Variants in OR4S2 observed in about 807,000 individuals in gnomAD.
The protein encoded by OR4S2 is olfactory receptor family 4 subfamily S member 2, also known as olfactory receptor 4S2.
OR4S2 carries 16 observed loss-of-function variants against 15.1 expected under a neutral mutation model. That is an observed-to-expected ratio of 1.06 (90% CI 0.72 to 1.61). OR4S2 has a LOEUF of 1.61. OR4S2 is among the 40% of genes most tolerant of loss of function. The pLI is 0.00. For synonymous variants in OR4S2, 133 were observed against 136.3 expected (o/e 0.98, Z 0.17); for missense variants, 362 against 379.6 (o/e 0.95, Z 0.38).
Position 55,652,556 on chromosome 11 carries a change from T to C in OR4S2, c.*717T>C, listed in dbSNP as rs1858582842. On this transcript the variant is annotated 3_prime_UTR_variant, in exon 2 of 2. Coordinates refer to ENST00000641692, the MANE Select transcript of OR4S2 (RefSeq NM_001004059.3). ...AAACCTCCAATCTTTTGTGAAGTAATATAGAGGAATTCTTACCTGTCTGTG... is the reference window on the plus strand; with the variant it reads ...AAACCTCCAATCTTTTGTGAAGTAACATAGAGGAATTCTTACCTGTCTGTG... The C allele has an allele frequency of 7.2e-6, 1 of 139,230 alleles. No homozygotes were observed. Among genetic ancestry groups the C allele is most frequent in the Non-Finnish European group, 1.6e-5 (1 of 62,494 alleles). 8.6% of individuals were successfully genotyped at this position (139,230 alleles called of 1,614,324 possible).
intron 1 of OR4S2, among the ~76,000 whole-genome samples, chr11:55,648,879 T>G (rs1451068282): frequency 1.5e-5 from 2 of 137,868 alleles, no homozygotes; most frequent in East Asian, 2.4e-4. Context: ...ACTGCATCAG[T>G]TGGAGTCAAG....
rs1392422998 is a variant in OR4S2 at position 55,652,751 on chromosome 11, C to CG, written c.*912_*913insG. 1 of 139,152 alleles carries CG rather than the reference C, an allele frequency of 7.2e-6. No homozygotes were observed. Among genetic ancestry groups the CG allele is most frequent in the East Asian group, 2.4e-4 (1 of 4,218 alleles). The allele number at this position is 139,152 out of a possible 1,614,324, so 8.6% of individuals were successfully genotyped here. A position where few individuals can be genotyped will look rare whatever the true frequency, so the allele number is the denominator to read the frequency against. ...GCTCAGATGGCTATAACTTCCCCCA[C>CG]AATGCTAAGTTAACTACTTAGTAAC... On this transcript the variant is annotated 3_prime_UTR_variant, in exon 2 of 2. Transcript: ENST00000641692.
intron 1 of OR4S2, 59 bp from the exon 2 acceptor site, chr11:55,650,809 G>C: frequency 1.6e-6 from 1 of 621,428 alleles, no homozygotes; most frequent in Admixed American, 3.6e-5. Flanking sequence ...GTGATTTTCC[G>C]TTGGTTCTGC....
intron 1 of OR4S2, among the ~76,000 whole-genome samples, chr11:55,650,360 T>C (rs1858547735): frequency 7.2e-6 from 1 of 138,844 alleles, no homozygotes; most frequent in Non-Finnish European, 1.6e-5. Flanking sequence ...GTGGTTAAAC[T>C]TGCAGAGAAA....
rs1437026730 is a variant in OR4S2 at position 55,651,038 on chromosome 11, G to A, written c.135G>A (p.Leu45=). ...IILLGNLLIM[L]TVCLSNLFKS... is the part of the protein sequence containing the mutation. ...TTCTGGGAAATCTCCTCATCATGCT[G>A]ACAGTTTGCCTGAGCAACCTGTTTA... is the stretch of plus-strand genomic sequence containing the variant. Residue 45 remains leucine (L), a synonymous_variant, in exon 2 of 2, where the codon CTG becomes CTA. Transcript: ENST00000641692. The A allele has an allele frequency of 1.4e-6, 2 of 1,471,476 alleles. No homozygotes were observed. The allele number at this position is 1,471,476 out of a possible 1,614,324, so 91.2% of individuals were successfully genotyped here.
chr11:55,649,562 C>T (rs1489208466), intron 1 of OR4S2, among the ~76,000 whole-genome samples: 1 of 138,248 alleles, frequency 7.2e-6, no homozygotes, highest in Admixed American at 7.9e-5. Context: ...GCGAAAGAAT[C>T]CTAAAAGCTC....
intron 1 of OR4S2, among the ~76,000 whole-genome samples, chr11:55,650,277 A>G (rs1455028630): frequency 7.2e-6 from 1 of 138,616 alleles, no homozygotes; most frequent in African/African-American, 2.5e-5. Context: ...AGGGCTCGAG[A>G]CCACACTGGT....
At position 55,651,190 on chromosome 11, in the gene OR4S2, T is replaced by A. The variant is rs1271180513; in HGVS notation, c.287T>A (p.Met96Lys). Residue 96 changes from methionine (M) to lysine (K), a missense_variant, in exon 2 of 2, where the codon ATG becomes AAG. By Grantham distance (95) the Met-to-Lys change is moderately conservative (BLOSUM62 -1). Coordinates refer to ENST00000641692, the MANE Select transcript of OR4S2 (RefSeq NM_001004059.3). The stretch of plus-strand genomic sequence containing the variant: ...AAAACCATCTCCTATGTGGGGTGCA[T>A]GTTGCAACTGTTTGGAGTACATTTC... ...KDKTISYVGC[M>K]LQLFGVHFFG... 2.0e-6 allele frequency: 3 copies of A among 1,485,858 alleles called. 1 individual carries two copies. The South Asian group carries it at 3.5e-5, about 18-fold the overall frequency. 92.0% of individuals were successfully genotyped at this position (1,485,858 alleles called of 1,614,324 possible).
Position 55,651,644 on chromosome 11 carries a change from CT to C in OR4S2, c.746del (p.Phe249SerfsTer32). The stretch of plus-strand genomic sequence containing the variant: ...GCTCCCACATTGCCATGGTCGTTAT[CT>C]TTTTCGGCCCCTGTACTTTTATGTA... ...CGSHIAMVVI[F>X]FGPCTFMYMR... is the part of the protein sequence containing the mutation. On this transcript the variant is annotated frameshift_variant, in exon 2 of 2. Transcript: ENST00000641692. LOFTEE classifies it high-confidence loss of function. 6.7e-7 allele frequency: 1 copy of C among 1,492,272 alleles called. No homozygotes were observed. The highest frequency in any genetic ancestry group is 9.1e-7 in the Non-Finnish European group (1 of 1,097,134). 92.4% of individuals were successfully genotyped at this position (1,492,272 alleles called of 1,614,324 possible).
intron 1 of OR4S2, among the ~76,000 whole-genome samples, chr11:55,649,224 A>T: frequency 7.2e-6 from 1 of 138,322 alleles, no homozygotes; most frequent in South Asian, 2.4e-4. Flanking sequence ...ACTGAAGAGG[A>T]ATGAGCATGT....
chr11:55,650,175 T>G (rs1277760446), intron 1 of OR4S2, among the ~76,000 whole-genome samples: 1 of 139,200 alleles, frequency 7.2e-6, no homozygotes, highest in Non-Finnish European at 1.6e-5. Flanking sequence ...AGTTAAATAA[T>G]TTACCTTGGG....
At position 55,651,754 on chromosome 11, in the gene OR4S2, T is replaced by C. The variant is rs765346880; in HGVS notation, c.851T>C (p.Ile284Thr). Reference protein sequence around the residue: ...TIITPMLNPLIYTLRNAEVKN... With the variant: ...TIITPMLNPLTYTLRNAEVKN... ...ATCACTCCCATGTTAAATCCTCTGA[T>C]TTATACACTGAGAAATGCAGAAGTA... Residue 284 changes from isoleucine to threonine, a missense_variant, in exon 2 of 2, where the codon ATT (isoleucine) becomes ACT (threonine). Coordinates refer to ENST00000641692, the MANE Select transcript of OR4S2 (RefSeq NM_001004059.3). The C allele has an allele frequency of 1.8e-4, 263 of 1,460,302 alleles. 64 individuals carry two copies. The highest frequency in any genetic ancestry group is 9.4e-7 in the Non-Finnish European group (1 of 1,067,796). The allele number at this position is 1,460,302 out of a possible 1,614,324, so 90.5% of individuals were successfully genotyped here. A position where few individuals can be genotyped will look rare whatever the true frequency, so the allele number is the denominator to read the frequency against.
rs1174583699 is a variant in OR4S2, at chr11:55,648,410, G to A, written c.-177G>A. 1.5e-5 allele frequency: 2 copies of A among 137,458 alleles called. No individual in the cohort carries two copies. The highest frequency in any genetic ancestry group is 4.8e-4 in the South Asian group (2 of 4,172). The allele number at this position is 137,458 out of a possible 1,614,324, so 8.5% of individuals were successfully genotyped here. A position where few individuals can be genotyped will look rare whatever the true frequency, so the allele number is the denominator to read the frequency against. ...TCATTTCTACCAGCCTTTCAGTTTG[G>A]GGGGTCAGGTATTTTCCGGTACTAA... On this transcript the variant is annotated 5_prime_UTR_variant, in exon 1 of 2. Coordinates refer to ENST00000641692, the MANE Select transcript of OR4S2 (RefSeq NM_001004059.3).
At chr11:55,649,538 C>T (rs1858538126) in intron 1 of OR4S2, among the ~76,000 whole-genome samples, 1 of 138,392 alleles carries the variant, frequency 7.2e-6, no homozygotes, top group Non-Finnish European at 1.6e-5. Flanking sequence ...ATCATTTACA[C>T]CTGCGGTTGA....
intron 1 of OR4S2, among the ~76,000 whole-genome samples, chr11:55,650,550 C>T (rs540987712): frequency 5.8e-5 from 8 of 137,442 alleles, no homozygotes; most frequent in African/African-American, 1.5e-4. Context: ...AACTCAGTGT[C>T]GTATAAAAAA....
At chr11:55,650,437 G>T (rs368505151) in intron 1 of OR4S2, among the ~76,000 whole-genome samples, 5 of 138,852 alleles carry the variant, frequency 3.6e-5, no homozygotes, top group Admixed American at 7.8e-5. Flanking sequence ...AAATGTGGGC[G>T]TATGTTTTCA....
Position 55,651,726 on chromosome 11 carries a change from A to G in OR4S2, c.823A>G (p.Ile275Val). ...EDKMVAVFYT[I>V]ITPMLNPLIY... ...TAAGATGGTGGCTGTATTTTACACC[A>G]TTATCACTCCCATGTTAAATCCTCT... Residue 275 changes from isoleucine (I) to valine (V), a missense_variant, in exon 2 of 2, where the codon ATT (isoleucine) becomes GTT (valine). Physicochemically the swap from Ile to Val is conservative, Grantham distance 29. Transcript: ENST00000641692. The G allele has an allele frequency of 1.4e-6, 2 of 1,458,894 alleles. 1 individual carries two copies. The allele number at this position is 1,458,894 out of a possible 1,614,324, so 90.4% of individuals were successfully genotyped here.
Position 55,648,385 on chromosome 11 carries a change from T to G in OR4S2, c.-202T>G, listed in dbSNP as rs1250781763. On this transcript the variant is annotated 5_prime_UTR_variant, in exon 1 of 2. Transcript: ENST00000641692. Reference sequence around the variant, plus strand: ...TGAGAAAACCAGGAACAACAAAGACTCATTTCTACCAGCCTTTCAGTTTGG... The same window carrying G: ...TGAGAAAACCAGGAACAACAAAGACGCATTTCTACCAGCCTTTCAGTTTGG... 7.3e-6 allele frequency: 1 copy of G among 137,466 alleles called. No homozygotes were observed. The highest frequency in any genetic ancestry group is 8.0e-5 in the Admixed American group (1 of 12,542). The allele number at this position is 137,466 out of a possible 1,614,324, so 8.5% of individuals were successfully genotyped here.
chr11:55,651,784 AT>A lies in OR4S2; in HGVS notation c.882del (p.Asn294LysfsTer3). Reference sequence around the variant, plus strand: ...ACACTGAGAAATGCAGAAGTAAAGAATGCAATGAAGAAACTGTGGGGCAGAA... The same window carrying A: ...ACACTGAGAAATGCAGAAGTAAAGAAGCAATGAAGAAACTGTGGGGCAGAA... ...IYTLRNAEVKNAMKKLWGRNV... is the reference protein window; with the variant it reads ...IYTLRNAEVKXAMKKLWGRNV... On this transcript the variant is annotated frameshift_variant, in exon 2 of 2. Coordinates refer to ENST00000641692, the MANE Select transcript of OR4S2 (RefSeq NM_001004059.3). LOFTEE classifies it high-confidence loss of function. 6.8e-7 allele frequency: 1 copy of A among 1,463,430 alleles called. No individual in the cohort carries two copies. Among genetic ancestry groups the A allele is most frequent in the Non-Finnish European group, 9.3e-7 (1 of 1,072,212 alleles). 90.7% of individuals were successfully genotyped at this position (1,463,430 alleles called of 1,614,324 possible).
Sources: allele counts gnomAD v4.1 joint callset (sites outside exome capture counted in the v4.1 genomes callset), GRCh38; gene constraint gnomAD v4.1.1; transcripts MANE v1.5; gene names NCBI Gene and HGNC (gene_info 2026-07-23, HGNC 2026-07-21).